The following LAMB4 variants were observed in gnomAD, a reference collection of about 807,000 sequenced individuals.
LAMB4 encodes laminin subunit beta 4.
In LAMB4, 196 loss-of-function variants were observed where a neutral mutation model predicts 199.2. The observed-to-expected ratio is 0.98, with a 90% CI of 0.88 to 1.11. LAMB4 has a LOEUF of 1.11. LAMB4 is among the 50% of genes least tolerant of loss of function. The pLI is 0.00. For synonymous variants in LAMB4, 744 were observed against 770.6 expected (o/e 0.97, Z 0.57); for missense variants, 2,080 against 2,171.2 (o/e 0.96, Z 0.83).
At chr7:108,102,605 T>C (rs1468996313) in intron 10 of LAMB4, among the ~76,000 whole-genome samples, 1 of 152,186 alleles carries the variant, frequency 6.6e-6, no homozygotes, top group Non-Finnish European at 1.5e-5. Flanking sequence ...ATTTTGTACA[T>C]GCTTGAAATA....
At chr7:108,079,855 T>C in intron 14 of LAMB4, 69 bp from the exon 15 acceptor site, 1 of 1,144,548 alleles carries the variant, frequency 8.7e-7, no homozygotes, top group Non-Finnish European at 1.2e-6. Context: ...AGAAAACCAG[T>C]CCCCCACTGC....
Position 108,047,604 on chromosome 7 carries a change from G to A in LAMB4, c.4326+304C>T, listed in dbSNP as rs145757233. On this transcript the variant is annotated intron_variant, in intron 28 of 33. Transcript: ENST00000388781. ...AGTGGGCTATTAGCAGTTAAATTTT[G>A]GGGGAGTCAAAAGTTACACATAAAT... Among the ~76,000 whole-genome samples, 910 of 152,188 alleles carry A rather than the reference G, an allele frequency of 6.0e-3. 9 individuals are homozygous for A. Among genetic ancestry groups the A allele is most frequent in the African/African-American group, 0.021 (865 of 41,512 alleles).
chr7:108,070,701 G>A (rs1049992397), intron 17 of LAMB4, among the ~76,000 whole-genome samples: 2 of 152,156 alleles, frequency 1.3e-5, no homozygotes, highest in South Asian at 4.1e-4. Context: ...TTGGCTGTAT[G>A]TTATTGGTAA....
intron 10 of LAMB4, among the ~76,000 whole-genome samples, chr7:108,099,414 A>G (rs1292424076): frequency 6.6e-6 from 1 of 152,256 alleles, no homozygotes; most frequent in East Asian, 1.9e-4. Context: ...AGGAGAGAGT[A>G]GAAGTCACAA....
chr7:108,074,727 C>T (rs994041511), intron 17 of LAMB4, among the ~76,000 whole-genome samples: 5 of 152,104 alleles, frequency 3.3e-5, no homozygotes, highest in African/African-American at 1.2e-4. Context: ...TATCAAACAT[C>T]CTTGTAATGA....
chr7:108,078,669 A>G (rs2036802650), intron 15 of LAMB4, among the ~76,000 whole-genome samples: 2 of 152,232 alleles, frequency 1.3e-5, no homozygotes, highest in South Asian at 4.1e-4. Flanking sequence ...ATCCTTTACA[A>G]AAGGAATCTA....
At chr7:108,095,112 G>T in intron 12 of LAMB4, 116 bp downstream of exon 12, 1 of 696,434 alleles carries the variant, frequency 1.4e-6, no homozygotes. Flanking sequence ...TCATACCACT[G>T]GAGTATTAAA....
At chr7:108,084,230 G>T (rs945461253) in intron 14 of LAMB4, among the ~76,000 whole-genome samples, 15 of 152,196 alleles carry the variant, frequency 9.9e-5, no homozygotes, top group African/African-American at 3.6e-4. Flanking sequence ...GCAGCCAGAG[G>T]CTGTAGTTTG....
chr7:108,103,058 G>A lies in LAMB4; in HGVS notation c.1166C>T (p.Pro389Leu). Residue 389 changes from proline (P) to leucine (L), a missense_variant, in exon 10 of 34, where the codon CCC becomes CTC. By Grantham distance (98) the Pro-to-Leu change is moderately conservative. Coordinates refer to ENST00000388781, the MANE Select transcript of LAMB4 (RefSeq NM_007356.3). ...CGGGGACTCACGAATGCACGCGTAGGGATCTGAGATGGTCTTGAGCGGGTC... is the reference window on the plus strand; with the variant it reads ...CGGGGACTCACGAATGCACGCGTAGAGATCTGAGATGGTCTTGAGCGGGTC... The part of the protein sequence containing the change: ...YRDPLKTISD[P>L]YACIPCECDP... The A allele has an allele frequency of 1.3e-6, 2 of 1,592,972 alleles. No homozygotes were observed. Among genetic ancestry groups the A allele is most frequent in the Non-Finnish European group, 8.6e-7 (1 of 1,163,916 alleles).
intron 10 of LAMB4, among the ~76,000 whole-genome samples, chr7:108,101,119 C>G (rs1177684552): frequency 6.6e-6 from 1 of 152,138 alleles, no homozygotes; most frequent in Non-Finnish European, 1.5e-5. Context: ...TCCCTGCCCC[C>G]ACTTTAGCAT....
At position 108,063,990 on chromosome 7, in the gene LAMB4, A is replaced by G. The variant is rs763887354; in HGVS notation, c.2837-5T>C. ...AGCATTCTCCACACTGAGTACCTGA[A>G]AGAAAGTGGGAGGAAAAGGAATGGG... On this transcript the variant is annotated splice_polypyrimidine_tract_variant and splice_region_variant and intron_variant, in intron 21 of 33. Coordinates refer to ENST00000388781, the MANE Select transcript of LAMB4 (RefSeq NM_007356.3). The G allele has an allele frequency of 3.1e-6, 5 of 1,607,058 alleles. No homozygotes were observed. The South Asian group carries it at 4.4e-5, about 14-fold the overall frequency.
intron 11 of LAMB4, among the ~76,000 whole-genome samples, chr7:108,095,833 G>T (rs1429969843): frequency 5.9e-5 from 9 of 152,094 alleles, no homozygotes; most frequent in Admixed American, 5.9e-4. Flanking sequence ...TGTTGCAAAG[G>T]CTAAAAAGAC....
chr7:108,126,777 C>T (rs2038803146), intron 1 of LAMB4, among the ~76,000 whole-genome samples: 1 of 150,466 alleles, frequency 6.6e-6, no homozygotes, highest in Non-Finnish European at 1.5e-5. Context: ...ACCTTGTTAG[C>T]CAGGATGGTC....
rs772989269 is a variant in LAMB4, at chr7:108,052,224, T to C, written c.3789A>G (p.Lys1263=). ...RQIMQLNEQL[K]AVYEFQDLKD... Reference sequence around the variant, plus strand: ...TCAGATCTTGAAATTCATACACTGCTTTCAGTTGTTCATTTAGCTGCATGA... The same window carrying C: ...TCAGATCTTGAAATTCATACACTGCCTTCAGTTGTTCATTTAGCTGCATGA... The change falls in exon 26 of 34, where the codon AAA becomes AAG. Residue 1263 remains lysine, a synonymous_variant. Coordinates refer to ENST00000388781, the MANE Select transcript of LAMB4 (RefSeq NM_007356.3). 9.3e-5 allele frequency: 149 copies of C among 1,608,178 alleles called. No homozygotes were observed. The highest frequency in any genetic ancestry group is 1.2e-4 in the Non-Finnish European group (139 of 1,176,994).
chr7:108,080,188 A>G (rs953820428), intron 14 of LAMB4, among the ~76,000 whole-genome samples: 1 of 152,190 alleles, frequency 6.6e-6, no homozygotes, highest in Non-Finnish European at 1.5e-5. Flanking sequence ...GGGCATGACA[A>G]TGAGAAAACC....
chr7:108,079,708 T>A lies in LAMB4; in HGVS notation c.1780A>T (p.Thr594Ser). Residue 594 changes from threonine (T) to serine (S), a missense_variant, in exon 15 of 34, where the codon ACT becomes TCT. Coordinates refer to ENST00000388781, the MANE Select transcript of LAMB4 (RefSeq NM_007356.3). The part of the protein sequence containing the change: ...EPVPGNPVTW[T>S]GPGFARVLPG... ...AGAACCCTGGCAAATCCAGGTCCAG[T>A]CCATGTAACAGGGTTCCCAGGAACT... is the stretch of plus-strand genomic sequence containing the variant. 1 of 1,612,454 alleles carries A rather than the reference T, an allele frequency of 6.2e-7. No homozygotes were observed. Among genetic ancestry groups the A allele is most frequent in the Non-Finnish European group, 8.5e-7 (1 of 1,179,414 alleles).
At chr7:108,024,255 C>T (rs1162452673) in intron 33 of LAMB4, 77 bp from the exon 34 acceptor site, 2 of 780,350 alleles carry the variant, frequency 2.6e-6, no homozygotes, top group South Asian at 2.7e-5. Flanking sequence ...ATACCAAACA[C>T]AGGGATTTAT....
chr7:108,037,571 A>G lies in LAMB4; in HGVS notation c.4496T>C (p.Ile1499Thr), dbSNP rs747997733. ...AAGCACACCATTCGCAACCTTCTCG[A>G]TGTCTTCTGGAGGCACGTTTTCCTC... The part of the protein sequence containing the change: ...LLEENVPPED[I>T]EKVANGVLDI... Residue 1499 changes from isoleucine (I) to threonine (T), a missense_variant, in exon 30 of 34, where the codon ATC becomes ACC. By Grantham distance (89) the Ile-to-Thr change is moderately conservative. Coordinates refer to ENST00000388781, the MANE Select transcript of LAMB4 (RefSeq NM_007356.3). 3.7e-6 allele frequency: 6 copies of G among 1,614,014 alleles called. No homozygotes were observed. Among genetic ancestry groups the G allele is most frequent in the East Asian group, 2.2e-5 (1 of 44,890 alleles).
At chr7:108,115,850 G>A (rs1291050196) in intron 3 of LAMB4, among the ~76,000 whole-genome samples, 154 bp downstream of exon 3, 7 of 152,110 alleles carry the variant, frequency 4.6e-5, no homozygotes, top group Non-Finnish European at 1.5e-5. Context: ...CGGCACCAAC[G>A]CCCCGTGGAT....
Sources: allele counts gnomAD v4.1 joint callset (sites outside exome capture counted in the v4.1 genomes callset), GRCh38; gene constraint gnomAD v4.1.1; transcripts MANE v1.5; gene names NCBI Gene and HGNC (gene_info 2026-07-23, HGNC 2026-07-21).